Variants in DISP1 observed in about 807,000 individuals in gnomAD.
DISP1 encodes protein dispatched homolog 1.
A neutral mutation model predicts 37.3 loss-of-function variants in DISP1; 30 were observed. The observed-to-expected ratio is 0.80, with a 90% CI of 0.60 to 1.09. DISP1 has a LOEUF of 1.09. Ranked by LOEUF, DISP1 falls within the 50% of genes least tolerant of loss-of-function variation. DISP1 has a pLI of 0.00. For synonymous variants in DISP1, 634 were observed against 690.2 expected (o/e 0.92, Z 1.28); for missense variants, 1,598 against 1,879.5 (o/e 0.85, Z 2.77).
At chr1:222,900,876 G>A (rs939126401) in intron 1 of DISP1, among the ~76,000 whole-genome samples, 9 of 152,150 alleles carry the variant, frequency 5.9e-5, no homozygotes, top group African/African-American at 1.9e-4. Context: ...CTAAGGAGCT[G>A]TAGGACTGAG....
At chr1:222,878,482 A>G (rs934357778) in intron 1 of DISP1, among the ~76,000 whole-genome samples, 1 of 152,196 alleles carries the variant, frequency 6.6e-6, no homozygotes, top group African/African-American at 2.4e-5. Flanking sequence ...TCCTTTTTTA[A>G]CAGTATACCC....
intron 3 of DISP1, among the ~76,000 whole-genome samples, chr1:222,958,234 TC>T (rs1675774242): frequency 6.6e-6 from 1 of 152,224 alleles, no homozygotes; most frequent in Admixed American, 6.5e-5. Flanking sequence ...ACACATCTTC[TC>T]AGCAATATTC....
chr1:222,855,610 TG>T (rs1465086809), intron 1 of DISP1, among the ~76,000 whole-genome samples: 1 of 152,230 alleles, frequency 6.6e-6, no homozygotes, highest in East Asian at 1.9e-4. Context: ...CAGCGTGTTC[TG>T]ATTTTCACAG....
intron 3 of DISP1, among the ~76,000 whole-genome samples, chr1:222,971,786 C>G (rs570662119): frequency 7.2e-5 from 11 of 152,146 alleles, no homozygotes; most frequent in African/African-American, 2.4e-4. Flanking sequence ...GCAAACATAT[C>G]TTCACTGAGG....
chr1:222,910,061 C>G (rs750871063), intron 1 of DISP1, among the ~76,000 whole-genome samples: 8 of 152,262 alleles, frequency 5.3e-5, no homozygotes, highest in South Asian at 4.1e-4. Context: ...TGTTGTCCTT[C>G]TAAACTATTA....
chr1:222,967,256 C>T (rs1240917827), intron 3 of DISP1, among the ~76,000 whole-genome samples: 1 of 152,158 alleles, frequency 6.6e-6, no homozygotes, highest in Non-Finnish European at 1.5e-5. Flanking sequence ...GTGACATGAT[C>T]ACATTCTTGC....
At chr1:222,966,255 G>A (rs965975207) in intron 3 of DISP1, among the ~76,000 whole-genome samples, 3 of 152,062 alleles carry the variant, frequency 2.0e-5, no homozygotes, top group African/African-American at 7.2e-5. Context: ...ATGTAGGGAG[G>A]CAGAATAGTA....
At chr1:222,983,309 A>G (rs1313204629) in intron 4 of DISP1, among the ~76,000 whole-genome samples, 200 bp downstream of exon 4, 1 of 152,028 alleles carries the variant, frequency 6.6e-6, no homozygotes, top group East Asian at 1.9e-4. Context: ...TAGATTTCTA[A>G]CCCTATTAAA....
intron 1 of DISP1, among the ~76,000 whole-genome samples, chr1:222,827,826 A>T (rs1664794157): frequency 6.6e-6 from 1 of 152,220 alleles, no homozygotes; most frequent in Non-Finnish European, 1.5e-5. Context: ...AACTTGAGAT[A>T]CTACATATAA....
intron 3 of DISP1, 21 bp from the exon 4 acceptor site, chr1:222,983,059 C>A: frequency 1.3e-6 from 2 of 1,570,026 alleles, no homozygotes; most frequent in Non-Finnish European, 8.6e-7. Context: ...ATCATTTTTC[C>A]TTTGCTTTTT....
intron 1 of DISP1, among the ~76,000 whole-genome samples, chr1:222,914,982 AAAGG>A (rs1046268719): frequency 9.2e-5 from 14 of 152,084 alleles, no homozygotes; most frequent in African/African-American, 3.1e-4. Flanking sequence ...CATTCATTAA[AAAGG>A]AAGGAAGGAA....
intron 3 of DISP1, among the ~76,000 whole-genome samples, chr1:222,966,359 T>G (rs1676488112): frequency 1.3e-5 from 2 of 152,176 alleles, no homozygotes; most frequent in South Asian, 4.1e-4. Context: ...GTTTTGTTGC[T>G]CATCAGAGGC....
rs576683817 is a variant in DISP1 at position 223,004,555 on chromosome 1, C to T, written c.3158C>T (p.Ala1053Val). 1.2e-6 allele frequency: 2 copies of T among 1,614,200 alleles called. No homozygotes were observed. Among genetic ancestry groups the T allele is most frequent in the African/African-American group, 1.3e-5 (1 of 75,052 alleles). ...SVAVGLSVDF[A>V]VHYGVAYRLA... ...GCCGTCGGCTTGTCTGTAGACTTTG[C>T]CGTCCATTATGGGGTTGCCTACCGC... Residue 1053 changes from alanine (A) to valine (V), a missense_variant, in exon 9 of 9, where the codon GCC becomes GTC. Ala to Val is a moderately conservative substitution (Grantham distance 64). Transcript: ENST00000675850. The surrounding 1 kb of genome is among the most constrained non-coding windows in gnomAD (Gnocchi z 4.9).
intron 1 of DISP1, among the ~76,000 whole-genome samples, chr1:222,829,306 A>C (rs17475718): frequency 0.81 from 123,243 of 152,194 alleles, 50,272 homozygotes; most frequent in African/African-American, 0.92. Flanking sequence ...AAATTTATAA[A>C]ATTAAGGCTG....
chr1:222,982,119 A>G (rs555946280), intron 3 of DISP1, among the ~76,000 whole-genome samples: 2 of 152,382 alleles, frequency 1.3e-5, no homozygotes, highest in African/African-American at 4.8e-5. Context: ...GTTTAGCAAG[A>G]TAAGTATCAT....
At chr1:222,874,231 G>C (rs1173574760) in intron 1 of DISP1, among the ~76,000 whole-genome samples, 1 of 152,002 alleles carries the variant, frequency 6.6e-6, no homozygotes, top group South Asian at 2.1e-4. Flanking sequence ...TTCAACTTTG[G>C]TGAATCTGAC....
At position 223,003,774 on chromosome 1, in the gene DISP1, G is replaced by T; in HGVS notation, c.2377G>T (p.Val793Leu). The T allele has an allele frequency of 6.2e-7, 1 of 1,614,140 alleles. No homozygotes were observed. Among genetic ancestry groups the T allele is most frequent in the Non-Finnish European group, 8.5e-7 (1 of 1,180,026 alleles). ...LHMPITVIWGVSPEDNGNPLN... is the reference protein window; with the variant it reads ...LHMPITVIWGLSPEDNGNPLN... ...CATGCCCATCACAGTAATCTGGGGCGTGTCCCCAGAAGACAATGGCAACCC... is the reference window on the plus strand; with the variant it reads ...CATGCCCATCACAGTAATCTGGGGCTTGTCCCCAGAAGACAATGGCAACCC... The change falls in exon 9 of 9, where the codon GTG becomes TTG. Residue 793 changes from valine to leucine, a missense_variant. By Grantham distance (32) the Val-to-Leu change is conservative. Transcript: ENST00000675850. The surrounding 1 kb of genome is among the most constrained non-coding windows in gnomAD (Gnocchi z 4.3).
chr1:222,911,905 A>T (rs1672233357), intron 1 of DISP1, among the ~76,000 whole-genome samples: 2 of 152,244 alleles, frequency 1.3e-5, no homozygotes, highest in South Asian at 4.1e-4. Context: ...CTCACACATC[A>T]GCATGAAAAC....
At chr1:222,953,041 G>A (rs1438672147) in intron 3 of DISP1, among the ~76,000 whole-genome samples, 3 of 152,132 alleles carry the variant, frequency 2.0e-5, no homozygotes, top group Admixed American at 2.0e-4. Flanking sequence ...CGGGCTTTTT[G>A]TAAGTAGATC....
Sources: allele counts gnomAD v4.1 joint callset (sites outside exome capture counted in the v4.1 genomes callset), GRCh38; gene constraint gnomAD v4.1.1; non-coding constraint Gnocchi (gnomAD v3.1); transcripts MANE v1.5; gene names NCBI Gene and HGNC (gene_info 2026-07-23, HGNC 2026-07-21).